MSI2: variants seen among roughly 807,000 people sequenced by gnomAD.
MSI2 encodes the protein musashi RNA binding protein 2.
MSI2 carries 17 observed loss-of-function variants against 45.6 expected under a neutral mutation model. The observed-to-expected ratio is 0.37, with a 90% CI of 0.26 to 0.56. The LOEUF (loss-of-function observed/expected upper bound fraction) is 0.56, where lower values mean the gene tolerates loss of function less well. MSI2 is among the 20% of genes least tolerant of loss of function. The pLI is 0.77. For missense variants in MSI2, 293 were observed against 444.2 expected (o/e 0.66, Z 3.06); for synonymous variants, 156 against 158.2 (o/e 0.99, Z 0.11).
chr17:57,515,333 A>G (rs1300174789), intron 6 of MSI2, among the ~76,000 whole-genome samples: 4 of 152,126 alleles, frequency 2.6e-5, no homozygotes, highest in Admixed American at 2.0e-4. Flanking sequence ...CATCCCGAGT[A>G]GCTGGGATTA....
At chr17:57,303,299 T>G (rs1911580002) in intron 5 of MSI2, among the ~76,000 whole-genome samples, 1 of 152,198 alleles carries the variant, frequency 6.6e-6, no homozygotes, top group Non-Finnish European at 1.5e-5. Context: ...AAAAAAAAGT[T>G]ATGTTACGAA....
Position 57,450,262 on chromosome 17 carries a change from A to AGAAAGAAAGAAAGAAAGAAG in MSI2, c.405+48810_405+48811insGGAAAGAAAGAAAGAAAGAA, listed in dbSNP as rs1567830590. On this transcript the variant is annotated intron_variant, in intron 6 of 13. Coordinates refer to ENST00000284073, the MANE Select transcript of MSI2 (RefSeq NM_138962.4). ...AAATGGTATTCCCCAGCTTAAAGAA[A>AGAAAGAAAGAAAGAAAGAAG]GAAAGAAAGAAAGAAAGAAAGAAAG... 5.9e-3 allele frequency: 151 copies of AGAAAGAAAGAAAGAAAGAAG among 25,482 alleles called. 3 individuals are homozygous for AGAAAGAAAGAAAGAAAGAAG. The Middle Eastern group carries it at 0.075, about 13-fold the overall frequency. The allele number at this position is 25,482 out of a possible 1,614,324, so 1.6% of individuals were successfully genotyped here.
At chr17:57,498,848 A>T (rs1233862427) in intron 6 of MSI2, among the ~76,000 whole-genome samples, 1 of 151,620 alleles carries the variant, frequency 6.6e-6, no homozygotes, top group East Asian at 1.9e-4. Context: ...TACGTGCACC[A>T]TGTTGGTGTG....
At chr17:57,450,669 T>TC (rs2085000315) in intron 6 of MSI2, among the ~76,000 whole-genome samples, 1 of 40,636 alleles carries the variant, frequency 2.5e-5, no homozygotes, top group Non-Finnish European at 3.8e-5. Flanking sequence ...AGACTGCATC[T>TC]CAAAAAAAAA....
chr17:57,485,512 T>C (rs1036938359), intron 6 of MSI2, among the ~76,000 whole-genome samples: 2 of 152,224 alleles, frequency 1.3e-5, no homozygotes, highest in Non-Finnish European at 2.9e-5. Context: ...GAAGGAATAC[T>C]GATCTCCCTA....
intron 11 of MSI2, among the ~76,000 whole-genome samples, chr17:57,659,082 T>TGG (rs34091944): frequency 0.16 from 24,264 of 151,590 alleles, 2,337 homozygotes; most frequent in East Asian, 0.43. Context: ...GTTGGTTGGT[T>TGG]TGTTGTTGTT....
At chr17:57,334,082 C>T (rs1026984537) in intron 5 of MSI2, among the ~76,000 whole-genome samples, 5 of 152,180 alleles carry the variant, frequency 3.3e-5, no homozygotes, top group African/African-American at 1.2e-4. Flanking sequence ...CATCCCCAAC[C>T]GGGGGCCATT....
At chr17:57,618,382 A>G (rs887963304) in intron 9 of MSI2, 1 of 152,178 alleles carries the variant, frequency 6.6e-6, no homozygotes, top group Non-Finnish European at 1.5e-5. Context: ...AGCATAGAGC[A>G]TAGCAAGACC....
intron 10 of MSI2, among the ~76,000 whole-genome samples, chr17:57,647,889 G>A (rs532856052): frequency 2.0e-5 from 3 of 147,246 alleles, no homozygotes; most frequent in African/African-American, 4.9e-5. Context: ...TGATCCTCCC[G>A]CCTCAGCCTC....
chr17:57,632,394 G>T, intron 10 of MSI2: 2 of 1,066,114 alleles, frequency 1.9e-6, no homozygotes, highest in South Asian at 9.1e-5. Flanking sequence ...TTTGTCTTTT[G>T]GGGCCAGTGG....
At chr17:57,285,862 G>A (rs1909824785) in intron 5 of MSI2, 1 of 1,512,992 alleles carries the variant, frequency 6.6e-7, no homozygotes, top group Middle Eastern at 1.7e-4. Context: ...GTGTAGTTCT[G>A]ATTTTCCGAA....
At chr17:57,419,503 C>G (rs1179145158) in intron 6 of MSI2, among the ~76,000 whole-genome samples, 1 of 150,340 alleles carries the variant, frequency 6.7e-6, no homozygotes, top group Admixed American at 6.7e-5. Context: ...GCTGGGATTA[C>G]AGGTGCTCAT....
At chr17:57,560,497 C>T (rs1393514281) in intron 7 of MSI2, among the ~76,000 whole-genome samples, 3 of 152,216 alleles carry the variant, frequency 2.0e-5, no homozygotes, top group Non-Finnish European at 2.9e-5. Context: ...CAGATCACCA[C>T]GTTTTGGGAG....
chr17:57,590,037 G>C (rs1904674879), intron 7 of MSI2, among the ~76,000 whole-genome samples: 1 of 152,230 alleles, frequency 6.6e-6, no homozygotes. Context: ...TAGCAAGAGA[G>C]GGAAGCTGCA....
At chr17:57,571,272 G>A (rs749412823) in intron 7 of MSI2, among the ~76,000 whole-genome samples, 33 of 152,172 alleles carry the variant, frequency 2.2e-4, no homozygotes, top group Non-Finnish European at 3.8e-4. Flanking sequence ...GGGGCAGGCC[G>A]CCCTGGGAAG....
intron 5 of MSI2, among the ~76,000 whole-genome samples, chr17:57,287,695 C>T (rs1469459986): frequency 2.0e-5 from 3 of 152,196 alleles, no homozygotes; most frequent in Non-Finnish European, 4.4e-5. Flanking sequence ...TTGAAACCTT[C>T]GCAAACTGCA....
In MSI2 at chr17:57,394,469, C is replaced by G. The variant is rs574930767; in HGVS notation, c.313-6910C>G. Among the ~76,000 whole-genome samples the G allele has an allele frequency of 3.3e-5, 5 of 152,328 alleles. No homozygotes were observed. The South Asian group carries it at 1.0e-3, about 32-fold the overall frequency. On this transcript the variant is annotated intron_variant, in intron 5 of 13. Transcript: ENST00000284073. ...TGATCTACAGTGAGGGCAGAGAATT[C>G]TAGGCAGGGAAGCAGACACACCAGT...
At chr17:57,534,056 A>G (rs1216801711) in intron 7 of MSI2, among the ~76,000 whole-genome samples, 2 of 152,210 alleles carry the variant, frequency 1.3e-5, no homozygotes, top group African/African-American at 4.8e-5. Flanking sequence ...AGCACTTACA[A>G]CACCAAGTGC....
At chr17:57,326,950 T>C (rs774457637) in intron 5 of MSI2, among the ~76,000 whole-genome samples, 3 of 152,200 alleles carry the variant, frequency 2.0e-5, no homozygotes, top group Non-Finnish European at 2.9e-5. Context: ...AGAGTGTTTT[T>C]GATAGGGTGA....
Sources: gnomAD v4.1 joint callset for allele counts (sites outside exome capture counted in the v4.1 genomes callset) on GRCh38, gnomAD v4.1.1 for gene constraint, MANE v1.5 for transcripts, NCBI Gene and HGNC (gene_info 2026-07-23, HGNC 2026-07-21) for gene names.